CDH12: variants seen among roughly 807,000 people sequenced by gnomAD.
CDH12 encodes the protein cadherin-12.
A neutral mutation model predicts 74.1 loss-of-function variants in CDH12; 41 were observed. The observed-to-expected ratio is 0.55, with a 90% CI of 0.43 to 0.72. CDH12 has a LOEUF of 0.72. CDH12 is among the 30% of genes least tolerant of loss of function. The pLI is 0.00. For synonymous variants in CDH12, 399 were observed against 355.0 expected (o/e 1.12, Z -1.39); for missense variants, 945 against 977.2 (o/e 0.97, Z 0.44).
chr5:22,340,625 C>A (rs1739808925), intron 3 of CDH12, among the ~76,000 whole-genome samples: 2 of 151,662 alleles, frequency 1.3e-5, no homozygotes, highest in Admixed American at 6.6e-5. Flanking sequence ...TCACTCATTT[C>A]TTTTTTATTC....
chr5:22,718,162 A>G (rs1430611046), intron 1 of CDH12, among the ~76,000 whole-genome samples: 2 of 152,234 alleles, frequency 1.3e-5, no homozygotes, highest in Non-Finnish European at 2.9e-5. Flanking sequence ...ACATCAGTTT[A>G]GGTATTGAGA....
intron 4 of CDH12, among the ~76,000 whole-genome samples, chr5:22,112,238 G>T (rs953659934): frequency 7.9e-5 from 12 of 152,082 alleles, no homozygotes; most frequent in African/African-American, 2.9e-4. Context: ...CTCTTGATAA[G>T]CCTGGGATGC....
chr5:22,157,656 T>C (rs1748106061), intron 4 of CDH12, among the ~76,000 whole-genome samples: 1 of 152,060 alleles, frequency 6.6e-6, no homozygotes, highest in African/African-American at 2.4e-5. Flanking sequence ...CAAATAAATG[T>C]TTATATTATG....
At chr5:22,433,572 T>C (rs1209350961) in intron 2 of CDH12, among the ~76,000 whole-genome samples, 1 of 152,044 alleles carries the variant, frequency 6.6e-6, no homozygotes, top group Admixed American at 6.6e-5. Flanking sequence ...TAAAAAATAA[T>C]AGCTAACATT....
At chr5:22,584,956 A>T (rs1417544244) in intron 1 of CDH12, among the ~76,000 whole-genome samples, 1 of 152,206 alleles carries the variant, frequency 6.6e-6, no homozygotes, top group East Asian at 1.9e-4. Flanking sequence ...TTACTACTAA[A>T]AAAAACCTTG....
intron 4 of CDH12, among the ~76,000 whole-genome samples, chr5:22,111,513 C>T (rs1192766502): frequency 2.0e-5 from 3 of 152,130 alleles, no homozygotes; most frequent in African/African-American, 7.2e-5. Context: ...CTCTTGGTTA[C>T]AAGTGAATTT....
chr5:22,147,895 G>A lies in CDH12; in HGVS notation c.-187+64603C>T, dbSNP rs1481468106. ...ATTTGGGTGGGGACACAGCCAAGCT[G>A]TATCATTATCAGATATCATATTCAT... On this transcript the variant is annotated intron_variant, in intron 4 of 14. Coordinates refer to ENST00000382254, the MANE Select transcript of CDH12 (RefSeq NM_004061.5). Among the ~76,000 whole-genome samples, 4 of 152,152 alleles carry A rather than the reference G, an allele frequency of 2.6e-5. No individual in the cohort carries two copies. In the East Asian group the frequency reaches 7.7e-4, roughly 29 times the overall value.
chr5:22,810,112 T>G (rs1581023001), intron 1 of CDH12, among the ~76,000 whole-genome samples: 1 of 152,176 alleles, frequency 6.6e-6, no homozygotes, highest in East Asian at 1.9e-4. Flanking sequence ...ATTTCCCAAA[T>G]CATTAGTTTG....
At chr5:21,975,880 C>A (rs1190604254) in intron 5 of CDH12, among the ~76,000 whole-genome samples, 1 of 151,992 alleles carries the variant, frequency 6.6e-6, no homozygotes, top group African/African-American at 2.4e-5. Flanking sequence ...CTTATTGTTT[C>A]ATTTTAAATA....
chr5:22,689,167 A>G (rs1741957548), intron 1 of CDH12, among the ~76,000 whole-genome samples: 1 of 152,200 alleles, frequency 6.6e-6, no homozygotes, highest in South Asian at 2.1e-4. Context: ...GGATATTTCA[A>G]TTACTTGGAA....
chr5:22,587,023 A>G (rs1319182025), intron 1 of CDH12, among the ~76,000 whole-genome samples: 1 of 151,802 alleles, frequency 6.6e-6, no homozygotes, highest in Non-Finnish European at 1.5e-5. Context: ...TTTAATAGAG[A>G]TGGGGTTTCA....
Position 22,602,888 on chromosome 5 carries a change from G to A in CDH12, c.-522-97524C>T, listed in dbSNP as rs1736917386. ...AACTCATATCTGCCAATCAAAAAGG[G>A]AAAATGTTCTTTATTGATTGGAAAA... On this transcript the variant is annotated intron_variant, in intron 1 of 14. Coordinates refer to ENST00000382254, the MANE Select transcript of CDH12 (RefSeq NM_004061.5). Among the ~76,000 whole-genome samples, 7 of 152,216 alleles carry A rather than the reference G, an allele frequency of 4.6e-5. No homozygotes were observed. In the South Asian group the frequency reaches 1.4e-3, roughly 32 times the overall value.
intron 1 of CDH12, among the ~76,000 whole-genome samples, chr5:22,782,753 C>G (rs1747446691): frequency 6.6e-6 from 1 of 152,088 alleles, no homozygotes; most frequent in South Asian, 2.1e-4. Flanking sequence ...TTGTTTCTTA[C>G]CTGCTTTTAA....
chr5:21,937,544 A>C (rs1042394720), intron 6 of CDH12, among the ~76,000 whole-genome samples: 7 of 152,224 alleles, frequency 4.6e-5, no homozygotes, highest in Non-Finnish European at 8.8e-5. Flanking sequence ...ACAAAGCATA[A>C]AACACAGACA....
At chr5:22,618,811 G>T (rs991339090) in intron 1 of CDH12, among the ~76,000 whole-genome samples, 1 of 152,002 alleles carries the variant, frequency 6.6e-6, no homozygotes, top group Non-Finnish European at 1.5e-5. Context: ...GGAGGTAATT[G>T]AATCATGGGG....
At chr5:22,256,307 G>T (rs1311472192) in intron 3 of CDH12, among the ~76,000 whole-genome samples, 1 of 152,038 alleles carries the variant, frequency 6.6e-6, no homozygotes, top group African/African-American at 2.4e-5. Flanking sequence ...AGATTATAAA[G>T]GAGATAAAAA....
Position 22,202,523 on chromosome 5 carries a change from C to G in CDH12, c.-187+9975G>C, listed in dbSNP as rs535866116. ...CTCTGAAATAAAAAGCTCAGAAGTT[C>G]TCCTTCTAAGAATGTCAGTGGTGTT... On this transcript the variant is annotated intron_variant, in intron 4 of 14. Coordinates refer to ENST00000382254, the MANE Select transcript of CDH12 (RefSeq NM_004061.5). Among the ~76,000 whole-genome samples the G allele has an allele frequency of 5.7e-4, 87 of 152,254 alleles. 2 individuals are homozygous for G. The highest frequency in any genetic ancestry group is 2.0e-3 in the African/African-American group (81 of 41,534).
chr5:22,548,337 A>G (rs187590514), intron 1 of CDH12, among the ~76,000 whole-genome samples: 7 of 152,266 alleles, frequency 4.6e-5, no homozygotes, highest in Non-Finnish European at 1.0e-4. Flanking sequence ...GGATAATTTT[A>G]ACACGTTTCC....
At chr5:21,991,068 A>G (rs1460057068) in intron 5 of CDH12, among the ~76,000 whole-genome samples, 3 of 151,910 alleles carry the variant, frequency 2.0e-5, no homozygotes, top group South Asian at 2.1e-4. Flanking sequence ...GAGCAAAGCC[A>G]GATTTGTATT....
Sources: allele counts gnomAD v4.1 joint callset (sites outside exome capture counted in the v4.1 genomes callset), GRCh38; gene constraint gnomAD v4.1.1; transcripts MANE v1.5; gene names NCBI Gene and HGNC (gene_info 2026-07-23, HGNC 2026-07-21).